Variants in LIPH observed in about 807,000 individuals in gnomAD.
LIPH encodes lipase member H.
LIPH carries 32 observed loss-of-function variants against 47.6 expected under a neutral mutation model. The ratio of observed to expected loss-of-function variants is 0.67; its 90% CI spans 0.51 to 0.90. The LOEUF is 0.90. Among genes scored for constraint, LIPH ranks in the 40% least tolerant of loss-of-function variants. The pLI is 0.00. For missense variants in LIPH, 497 were observed against 541.4 expected, an observed-to-expected ratio of 0.92 and a Z score of 0.81; for synonymous variants, 190 against 195.6, an observed-to-expected ratio of 0.97 and a Z score of 0.24.
chr3:185,519,591 T>C (rs1719837216), intron 5 of LIPH, among the ~76,000 whole-genome samples: 1 of 151,992 alleles, frequency 6.6e-6, no homozygotes, highest in South Asian at 2.1e-4. Flanking sequence ...ATCCCAGCAC[T>C]TTAGGAGGCC....
chr3:185,539,170 T>C (rs1720622794), intron 1 of LIPH, among the ~76,000 whole-genome samples: 1 of 151,834 alleles, frequency 6.6e-6, no homozygotes, highest in Non-Finnish European at 1.5e-5. Context: ...GGTTTCACCA[T>C]GTTGGCCAGG....
intron 3 of LIPH, among the ~76,000 whole-genome samples, chr3:185,532,442 C>T (rs9856267): frequency 4.4e-4 from 66 of 151,612 alleles, no homozygotes; most frequent in Middle Eastern, 3.4e-3. Context: ...CCTGGGGGGG[C>T]GTTGAGGCTG....
rs558659224 is a variant in LIPH, at chr3:185,508,706, T to C, written c.*84A>G. The C allele has an allele frequency of 2.0e-6, 2 of 989,714 alleles. No individual in the cohort carries two copies. The highest frequency in any genetic ancestry group is 1.6e-5 in the African/African-American group (1 of 62,908). 61.3% of individuals were successfully genotyped at this position (989,714 alleles called of 1,614,324 possible). A position where few individuals can be genotyped will look rare whatever the true frequency, so the allele number is the denominator to read the frequency against. ...GGTTTTTTTCATACTTTTTCTGCCT[T>C]GCAGAAAGGTGAGGTGAAGCTTTCA... On this transcript the variant is annotated 3_prime_UTR_variant, in exon 10 of 10. Coordinates refer to ENST00000296252, the MANE Select transcript of LIPH (RefSeq NM_139248.3).
intron 1 of LIPH, among the ~76,000 whole-genome samples, chr3:185,544,542 A>G (rs1720810549): frequency 6.6e-6 from 1 of 151,824 alleles, no homozygotes; most frequent in Non-Finnish European, 1.5e-5. Flanking sequence ...TTTAGTAGAT[A>G]TGGCTTTTCG....
At chr3:185,528,938 C>T (rs182521344) in intron 3 of LIPH, among the ~76,000 whole-genome samples, 4 of 147,074 alleles carry the variant, frequency 2.7e-5, no homozygotes, top group African/African-American at 7.6e-5. Context: ...CCGAGGTGGG[C>T]GGATCACGAG....
chr3:185,523,774 G>A (rs1035878128), intron 5 of LIPH, among the ~76,000 whole-genome samples: 4 of 146,142 alleles, frequency 2.7e-5, no homozygotes, highest in Admixed American at 2.1e-4. Context: ...CCAGGCTGGA[G>A]TGCAGTGGCG....
chr3:185,548,485 T>C (rs1475791140), intron 1 of LIPH, among the ~76,000 whole-genome samples: 1 of 151,764 alleles, frequency 6.6e-6, no homozygotes, highest in Non-Finnish European at 1.5e-5. Context: ...CCTAGCACTT[T>C]GGGAGGCCGA....
intron 5 of LIPH, among the ~76,000 whole-genome samples, chr3:185,522,566 T>A (rs1465193466): frequency 8.5e-6 from 1 of 118,064 alleles, no homozygotes; most frequent in Non-Finnish European, 1.7e-5. Flanking sequence ...AGGAAGGGAA[T>A]GAGGGAAGGA....
intron 9 of LIPH, among the ~76,000 whole-genome samples, chr3:185,509,507 G>A (rs1276297837): frequency 1.3e-5 from 2 of 151,962 alleles, no homozygotes; most frequent in Non-Finnish European, 2.9e-5. Context: ...GCGTGTGCCT[G>A]TAATCCCAGC....
intron 8 of LIPH, among the ~76,000 whole-genome samples, chr3:185,514,062 C>T (rs1009507542): frequency 1.3e-5 from 2 of 151,278 alleles, no homozygotes; most frequent in African/African-American, 2.4e-5. Flanking sequence ...AATCCTTTAT[C>T]GAAAACAAGG....
At chr3:185,522,666 G>GAAAGAAAGA (rs1719941576) in intron 5 of LIPH, among the ~76,000 whole-genome samples, 1 of 29,694 alleles carries the variant, frequency 3.4e-5, no homozygotes, top group African/African-American at 1.8e-4. Flanking sequence ...AAGAAAGAAA[G>GAAAGAAAGA]AAAGAAAGAA....
chr3:185,516,372 G>A (rs1042113139), intron 7 of LIPH, among the ~76,000 whole-genome samples: 8 of 152,166 alleles, frequency 5.3e-5, no homozygotes, highest in African/African-American at 1.9e-4. Context: ...GGCAGAGATT[G>A]CAGTGAGCTG....
At chr3:185,552,124 T>C (rs1053442747) in intron 1 of LIPH, among the ~76,000 whole-genome samples, 23 of 152,054 alleles carry the variant, frequency 1.5e-4, no homozygotes, top group African/African-American at 5.3e-4. Flanking sequence ...ATAAGACTTC[T>C]AGATTTTTCA....
At chr3:185,531,306 G>A (rs1720323117) in intron 3 of LIPH, among the ~76,000 whole-genome samples, 1 of 152,062 alleles carries the variant, frequency 6.6e-6, no homozygotes, top group African/African-American at 2.4e-5. Flanking sequence ...CAGCACTTTG[G>A]GAGGCTGAAG....
chr3:185,529,688 G>A (rs928730429), intron 3 of LIPH, among the ~76,000 whole-genome samples: 2 of 150,750 alleles, frequency 1.3e-5, no homozygotes, highest in East Asian at 2.0e-4. Flanking sequence ...CCAGGAGTTC[G>A]AGACCAGCCT....
At chr3:185,527,361 C>T in intron 4 of LIPH, 123 bp downstream of exon 4, 1 of 796,812 alleles carries the variant, frequency 1.3e-6, no homozygotes, top group Non-Finnish European at 2.2e-6. Flanking sequence ...ATTTGGAACC[C>T]TGCCTGGAAA....
intron 1 of LIPH, among the ~76,000 whole-genome samples, chr3:185,544,151 C>T (rs754119075): frequency 2.0e-5 from 3 of 152,078 alleles, no homozygotes; most frequent in African/African-American, 4.8e-5. Flanking sequence ...ATGCCTGGCG[C>T]TCTTGCTGTC....
chr3:185,506,723 C>G lies in LIPH; in HGVS notation c.*2067G>C, dbSNP rs1337869903. ...GTGGGGGCGCCTGTAATCCCAGCTA[C>G]TTGGGAGGCTGAGGCAGAGAATTGC... On this transcript the variant is annotated 3_prime_UTR_variant, in exon 10 of 10. Transcript: ENST00000296252. The G allele has an allele frequency of 6.7e-6, 1 of 149,748 alleles. No individual in the cohort carries two copies. Among genetic ancestry groups the G allele is most frequent in the Non-Finnish European group, 1.5e-5 (1 of 67,786 alleles). 9.3% of individuals were successfully genotyped at this position (149,748 alleles called of 1,614,324 possible). A position where few individuals can be genotyped will look rare whatever the true frequency, so the allele number is the denominator to read the frequency against.
At chr3:185,541,685 G>T (rs937037673) in intron 1 of LIPH, among the ~76,000 whole-genome samples, 1 of 151,350 alleles carries the variant, frequency 6.6e-6, no homozygotes, top group Non-Finnish European at 1.5e-5. Context: ...GATTATAGGC[G>T]TGAGCCACCC....
Sources: allele counts gnomAD v4.1 joint callset (sites outside exome capture counted in the v4.1 genomes callset), GRCh38; gene constraint gnomAD v4.1.1; transcripts MANE v1.5; gene names NCBI Gene and HGNC (gene_info 2026-07-23, HGNC 2026-07-21).